The following NASP variants were observed in gnomAD, a reference collection of about 807,000 sequenced individuals.
NASP encodes nuclear autoantigenic sperm protein, also known as NASP histone chaperone.
In NASP, 24 loss-of-function variants were observed where a neutral mutation model predicts 89.5. The observed-to-expected ratio is 0.27, with a 90% CI of 0.19 to 0.38. NASP has a LOEUF of 0.38. Among genes scored for constraint, NASP ranks in the 10% least tolerant of loss-of-function variants. The probability of loss-of-function intolerance (pLI) is 1.00; values close to 1 mark genes in which losing one functional copy is unlikely to be tolerated. For missense variants in NASP, 848 were observed against 921.4 expected (o/e 0.92, Z 1.03); for synonymous variants, 306 against 324.7 (o/e 0.94, Z 0.62).
rs760969075 is a variant in NASP at position 45,591,276 on chromosome 1, A to T, written c.107+6A>T. ...TCTGCAGATAAAGTGGAGAGGTAAG[A>T]TTATTTACATGGTAGTTAGATTCGT... On this transcript the variant is annotated splice_donor_region_variant and intron_variant, in intron 2 of 14. Coordinates refer to ENST00000350030, the MANE Select transcript of NASP (RefSeq NM_002482.4). 1.1e-5 allele frequency: 16 copies of T among 1,501,026 alleles called. No individual in the cohort carries two copies. The highest frequency in any genetic ancestry group is 2.6e-5 in the South Asian group (2 of 78,374). 93.0% of individuals were successfully genotyped at this position (1,501,026 alleles called of 1,614,324 possible).
chr1:45,601,900 C>T (rs900224573), intron 2 of NASP, among the ~76,000 whole-genome samples: 1 of 151,440 alleles, frequency 6.6e-6, no homozygotes, highest in Non-Finnish European at 1.5e-5. Context: ...CTACAGGCAC[C>T]CGCCACCACG....
rs1440965873 is a variant in NASP, at chr1:45,615,288, C to T, written c.1856-17C>T. The T allele has an allele frequency of 3.1e-6, 5 of 1,612,194 alleles. No homozygotes were observed. The Admixed American group carries it at 6.7e-5, about 22-fold the overall frequency. On this transcript the variant is annotated splice_polypyrimidine_tract_variant and intron_variant, in intron 10 of 14. Coordinates refer to ENST00000350030, the MANE Select transcript of NASP (RefSeq NM_002482.4). ...AGTTCTTTTTTGAGCCATTACTAAT[C>T]ACTTTATTCTTTTTAGCTGTACTAA...
In NASP at chr1:45,616,647, G is replaced by A; in HGVS notation, c.2101G>A (p.Asp701Asn). The stretch of plus-strand genomic sequence containing the variant: ...CCAGATTGCCAGTAGAAAGCCAACA[G>A]ACGGTGCTTCCTCATCAAATTGTGT... ...VSMIASRKPT[D>N]GASSSNCVTD... The change falls in exon 13 of 15, where the codon GAC (aspartate) becomes AAC (asparagine). Residue 701 changes from aspartate (D) to asparagine (N), a missense_variant. By Grantham distance (23) the Asp-to-Asn change is conservative. Coordinates refer to ENST00000350030, the MANE Select transcript of NASP (RefSeq NM_002482.4). 2 of 1,614,176 alleles carry A rather than the reference G, an allele frequency of 1.2e-6. No homozygotes were observed. The highest frequency in any genetic ancestry group is 1.7e-6 in the Non-Finnish European group (2 of 1,179,992).
intron 11 of NASP, 64 bp downstream of exon 11, chr1:45,615,535 C>G (rs1020309823): frequency 4.0e-6 from 6 of 1,486,334 alleles, no homozygotes. Flanking sequence ...GTTCTATTTG[C>G]CAGGAACTTT....
intron 3 of NASP, among the ~76,000 whole-genome samples, chr1:45,602,940 C>T (rs913388864): frequency 1.3e-5 from 2 of 152,266 alleles, no homozygotes; most frequent in African/African-American, 2.4e-5. Flanking sequence ...CCTGACTTTC[C>T]GAGTTTTAAC....
chr1:45,590,570 A>AAAGAAAT (rs1223929890), intron 1 of NASP, among the ~76,000 whole-genome samples: 1 of 151,298 alleles, frequency 6.6e-6, no homozygotes, highest in Non-Finnish European at 1.5e-5. Flanking sequence ...AAAAAAAAGA[A>AAAGAAAT]AAGAAATTTA....
At chr1:45,598,856 A>C (rs1008070227) in intron 2 of NASP, among the ~76,000 whole-genome samples, 7 of 152,094 alleles carry the variant, frequency 4.6e-5, no homozygotes, top group Non-Finnish European at 1.0e-4. Flanking sequence ...TGGGGGTAAT[A>C]ATTCAATAAC....
intron 4 of NASP, among the ~76,000 whole-genome samples, chr1:45,606,056 G>A (rs1015182786): frequency 6.6e-6 from 1 of 152,204 alleles, no homozygotes; most frequent in Non-Finnish European, 1.5e-5. Flanking sequence ...GATTATAGGC[G>A]TGAGCCACCG....
At chr1:45,586,304 T>TG (rs1644548442) in intron 1 of NASP, among the ~76,000 whole-genome samples, 33 of 138,636 alleles carry the variant, frequency 2.4e-4, no homozygotes, top group African/African-American at 9.0e-4. Context: ...TGTGTGTGTG[T>TG]GTGTGGTGTG....
rs1644063202 is a variant in NASP, at chr1:45,614,191, T to C, written c.1592+10T>C. 2 of 1,607,930 alleles carry C rather than the reference T, an allele frequency of 1.2e-6. No individual in the cohort carries two copies. Among genetic ancestry groups the C allele is most frequent in the East Asian group, 2.2e-5 (1 of 44,838 alleles). ...AGATCATTTTTAAAAGGTAAAACTCTTGGTGCTTCTAGGCTTGGGTTGGGA... is the reference window on the plus strand; with the variant it reads ...AGATCATTTTTAAAAGGTAAAACTCCTGGTGCTTCTAGGCTTGGGTTGGGA... On this transcript the variant is annotated intron_variant, in intron 8 of 14. Transcript: ENST00000350030.
At chr1:45,590,653 CAG>C (rs1225606385) in intron 1 of NASP, among the ~76,000 whole-genome samples, 4 of 145,266 alleles carry the variant, frequency 2.8e-5, no homozygotes, top group Non-Finnish European at 6.0e-5. Context: ...GTATTCAATT[CAG>C]AGTCTTATAT....
In NASP at chr1:45,618,177, T is replaced by C; in HGVS notation, c.*36T>C. On this transcript the variant is annotated 3_prime_UTR_variant, in exon 15 of 15. Coordinates refer to ENST00000350030, the MANE Select transcript of NASP (RefSeq NM_002482.4). ...AGCCCTCCTCCCAAGGGAAAGTGTT[T>C]TTGTATATAATGTATTTTTTCACTT... 6.7e-7 allele frequency: 1 copy of C among 1,498,042 alleles called. No homozygotes were observed. The highest frequency in any genetic ancestry group is 1.2e-5 in the South Asian group (1 of 82,874). 92.8% of individuals were successfully genotyped at this position (1,498,042 alleles called of 1,614,324 possible). A position where few individuals can be genotyped will look rare whatever the true frequency, so the allele number is the denominator to read the frequency against.
intron 9 of NASP, 42 bp from the exon 10 acceptor site, chr1:45,614,971 G>A (rs2148372807): frequency 6.5e-7 from 1 of 1,546,508 alleles, no homozygotes; most frequent in Non-Finnish European, 8.8e-7. Flanking sequence ...ATTTTATGTT[G>A]AATGCTGTCC....
intron 9 of NASP, among the ~76,000 whole-genome samples, 182 bp downstream of exon 9, chr1:45,614,548 GT>G (rs10718022): frequency 0.72 from 109,681 of 151,652 alleles, 39,789 homozygotes; most frequent in African/African-American, 0.76. Flanking sequence ...GTTTTGTTTT[GT>G]TTTTTTTGAG....
chr1:45,584,075 T>G lies in NASP; in HGVS notation c.-72T>G, dbSNP rs757384299. Reference sequence around the variant, plus strand: ...GCCATTTTCTGTCCCTGAGTGAGTCTCTGGCGTCCCAAATTGCCTGTTTTT... The same window carrying G: ...GCCATTTTCTGTCCCTGAGTGAGTCGCTGGCGTCCCAAATTGCCTGTTTTT... On this transcript the variant is annotated 5_prime_UTR_variant, in exon 1 of 15. Coordinates refer to ENST00000350030, the MANE Select transcript of NASP (RefSeq NM_002482.4). The G allele has an allele frequency of 1.9e-4, 273 of 1,425,774 alleles. No individual in the cohort carries two copies. Among genetic ancestry groups the G allele is most frequent in the Non-Finnish European group, 2.3e-4 (237 of 1,035,830 alleles). 88.3% of individuals were successfully genotyped at this position (1,425,774 alleles called of 1,614,324 possible). A position where few individuals can be genotyped will look rare whatever the true frequency, so the allele number is the denominator to read the frequency against.
Position 45,584,093 on chromosome 1 carries a change from C to G in NASP, c.-54C>G, listed in dbSNP as rs766222197. The G allele has an allele frequency of 2.0e-6, 3 of 1,508,678 alleles. No homozygotes were observed. The highest frequency in any genetic ancestry group is 2.4e-5 in the East Asian group (1 of 41,082). 93.5% of individuals were successfully genotyped at this position (1,508,678 alleles called of 1,614,324 possible). On this transcript the variant is annotated 5_prime_UTR_variant, in exon 1 of 15. Coordinates refer to ENST00000350030, the MANE Select transcript of NASP (RefSeq NM_002482.4). ...GTGAGTCTCTGGCGTCCCAAATTGC[C>G]TGTTTTTCTCGCAGGCTCTATTCCG...
At chr1:45,585,295 T>C (rs1644516815) in intron 1 of NASP, among the ~76,000 whole-genome samples, 1 of 152,196 alleles carries the variant, frequency 6.6e-6, no homozygotes, top group Non-Finnish European at 1.5e-5. Flanking sequence ...TAGAGGTTAG[T>C]TGCCTTCCCT....
At chr1:45,608,486 G>T (rs1024681364) in intron 6 of NASP, 149 bp downstream of exon 6, 79 of 756,420 alleles carry the variant, frequency 1.0e-4, no homozygotes, top group Non-Finnish European at 1.3e-5. Flanking sequence ...AGTTTAACAA[G>T]GTCGTGATAG....
chr1:45,601,547 TAC>T (rs1643843595), intron 2 of NASP, among the ~76,000 whole-genome samples: 1 of 152,162 alleles, frequency 6.6e-6, no homozygotes, highest in African/African-American at 2.4e-5. Context: ...ATGCCAATAC[TAC>T]ATTGTCTTAA....
Sources: allele counts gnomAD v4.1 joint callset (sites outside exome capture counted in the v4.1 genomes callset), GRCh38; gene constraint gnomAD v4.1.1; transcripts MANE v1.5; gene names NCBI Gene and HGNC (gene_info 2026-07-23, HGNC 2026-07-21).